CNTN5: variants seen among roughly 807,000 people sequenced by gnomAD.
CNTN5 encodes the protein contactin-5.
A neutral mutation model predicts 129.1 loss-of-function variants in CNTN5; 77 were observed. The ratio of observed to expected loss-of-function variants is 0.60; its 90% CI spans 0.50 to 0.72. The LOEUF is 0.72. Among genes scored for constraint, CNTN5 ranks in the 30% least tolerant of loss-of-function variants. CNTN5 has a pLI of 0.00. For synonymous variants in CNTN5, 509 were observed against 465.6 expected (o/e 1.09, Z -1.20); for missense variants, 1,478 against 1,328.8 (o/e 1.11, Z -1.75).
At chr11:99,786,872 T>G (rs1177114590) in intron 3 of CNTN5, among the ~76,000 whole-genome samples, 1 of 152,202 alleles carries the variant, frequency 6.6e-6, no homozygotes, top group African/African-American at 2.4e-5. Context: ...ATTAGAGATT[T>G]AAACGTAAGA....
chr11:100,097,738 G>A, intron 13 of CNTN5, among the ~76,000 whole-genome samples: 1 of 152,006 alleles, frequency 6.6e-6, no homozygotes, highest in East Asian at 1.9e-4. Flanking sequence ...AATAATAAAT[G>A]TTGTGTTTCT....
intron 2 of CNTN5, among the ~76,000 whole-genome samples, chr11:99,428,386 C>T (rs1479829541): frequency 6.6e-6 from 1 of 151,534 alleles, no homozygotes; most frequent in African/African-American, 2.4e-5. Flanking sequence ...ATGGTGAAAC[C>T]TCATCTCTAC....
intron 1 of CNTN5, among the ~76,000 whole-genome samples, chr11:99,252,339 A>G (rs1275080949): frequency 1.3e-5 from 2 of 152,018 alleles, no homozygotes; most frequent in Admixed American, 1.3e-4. Context: ...ACAAACAAAC[A>G]CACAAACAAA....
chr11:99,115,556 T>C (rs1858005597), intron 1 of CNTN5, among the ~76,000 whole-genome samples: 1 of 151,978 alleles, frequency 6.6e-6, no homozygotes, highest in Non-Finnish European at 1.5e-5. Flanking sequence ...GGAGAGGAGT[T>C]TGAGACCAGC....
intron 2 of CNTN5, among the ~76,000 whole-genome samples, chr11:99,425,857 C>T (rs1373551241): frequency 1.3e-5 from 2 of 152,346 alleles, no homozygotes; most frequent in African/African-American, 2.4e-5. Flanking sequence ...CCTGGCTACT[C>T]CTCCCCCACT....
intron 7 of CNTN5, among the ~76,000 whole-genome samples, chr11:99,938,617 C>G (rs1164179839): frequency 6.6e-6 from 1 of 151,970 alleles, no homozygotes; most frequent in Non-Finnish European, 1.5e-5. Context: ...AAATTTTTGT[C>G]CTGATATATA....
At chr11:99,034,195 A>G (rs1029287530) in intron 1 of CNTN5, among the ~76,000 whole-genome samples, 5 of 152,180 alleles carry the variant, frequency 3.3e-5, no homozygotes, top group African/African-American at 1.2e-4. Flanking sequence ...GGATTTTTGC[A>G]TCAATGTTCA....
At chr11:100,123,275 C>G (rs543492980) in intron 13 of CNTN5, among the ~76,000 whole-genome samples, 2 of 151,966 alleles carry the variant, frequency 1.3e-5, no homozygotes, top group African/African-American at 4.8e-5. Context: ...ATTTTTGCCA[C>G]AAGGTTTTTC....
chr11:99,923,027 T>C (rs1949975244), intron 7 of CNTN5, among the ~76,000 whole-genome samples: 1 of 152,220 alleles, frequency 6.6e-6, no homozygotes, highest in Non-Finnish European at 1.5e-5. Flanking sequence ...TATGAAATGA[T>C]AAAACAGTTT....
intron 15 of CNTN5, among the ~76,000 whole-genome samples, chr11:100,202,914 T>C (rs1159352638): frequency 6.6e-6 from 1 of 152,016 alleles, no homozygotes; most frequent in Non-Finnish European, 1.5e-5. Context: ...ATGAACGATG[T>C]TCCAAATCTG....
chr11:99,317,857 T>A (rs1865408275), intron 1 of CNTN5, among the ~76,000 whole-genome samples: 3 of 152,144 alleles, frequency 2.0e-5, no homozygotes, highest in Admixed American at 2.0e-4. Flanking sequence ...AATAGTTCAA[T>A]TGCTAATGCT....
Position 99,384,615 on chromosome 11 carries a change from C to T in CNTN5, c.-71+59131C>T, listed in dbSNP as rs185316321. ...TATAAACTGAAAGTGTCACGAGAAACTTCTTTATCTCAGTTCCCTATGTTG... is the reference window on the plus strand; with the variant it reads ...TATAAACTGAAAGTGTCACGAGAAATTTCTTTATCTCAGTTCCCTATGTTG... On this transcript the variant is annotated intron_variant, in intron 2 of 24. Coordinates refer to ENST00000524871, the MANE Select transcript of CNTN5 (RefSeq NM_014361.4). 3.4e-3 allele frequency among the ~76,000 whole-genome samples: 515 copies of T among 152,258 alleles called. 3 individuals carry two copies. The highest frequency in any genetic ancestry group is 0.011 in the African/African-American group (473 of 41,562).
chr11:99,254,204 G>A (rs1225325543), intron 1 of CNTN5, among the ~76,000 whole-genome samples: 2 of 151,778 alleles, frequency 1.3e-5, no homozygotes, highest in Non-Finnish European at 2.9e-5. Context: ...AGGAACTTAT[G>A]TTGTAGAGGA....
chr11:100,052,640 A>G (rs568113272), intron 9 of CNTN5, among the ~76,000 whole-genome samples: 1 of 151,814 alleles, frequency 6.6e-6, no homozygotes, highest in Non-Finnish European at 1.5e-5. Flanking sequence ...CTCACAGTTG[A>G]TATATGTATT....
At chr11:99,691,214 T>C (rs374263727) in intron 3 of CNTN5, among the ~76,000 whole-genome samples, 8 of 152,088 alleles carry the variant, frequency 5.3e-5, no homozygotes, top group African/African-American at 1.9e-4. Context: ...CCTGGATTTG[T>C]TGGTTTTTTT....
intron 16 of CNTN5, among the ~76,000 whole-genome samples, chr11:100,244,551 C>T (rs1949805741): frequency 6.6e-6 from 1 of 152,116 alleles, no homozygotes; most frequent in East Asian, 1.9e-4. Flanking sequence ...TCCTTTTAGG[C>T]CTTTTTTAAA....
intron 15 of CNTN5, among the ~76,000 whole-genome samples, chr11:100,207,425 G>T (rs1948940019): frequency 6.6e-6 from 1 of 151,800 alleles, no homozygotes; most frequent in African/African-American, 2.4e-5. Context: ...TAAAACCAAA[G>T]AATTTACTAT....
intron 1 of CNTN5, among the ~76,000 whole-genome samples, chr11:99,223,246 C>T (rs1415192398): frequency 2.0e-5 from 3 of 152,132 alleles, no homozygotes; most frequent in Non-Finnish European, 4.4e-5. Context: ...TTCTTCTTCA[C>T]AGCTATTATG....
At chr11:99,703,165 TTTTAAG>T (rs1954596813) in intron 3 of CNTN5, among the ~76,000 whole-genome samples, 1 of 144,388 alleles carries the variant, frequency 6.9e-6, no homozygotes, top group African/African-American at 2.5e-5. Flanking sequence ...GAGTTTTGAT[TTTTAAG>T]TTTTAATTTC....
Sources: allele counts gnomAD v4.1 joint callset (sites outside exome capture counted in the v4.1 genomes callset), GRCh38; gene constraint gnomAD v4.1.1; transcripts MANE v1.5; gene names NCBI Gene and HGNC (gene_info 2026-07-23, HGNC 2026-07-21).